The following TMEM38B variants were observed in gnomAD, a reference collection of about 807,000 sequenced individuals.
TMEM38B encodes the protein transmembrane protein 38B, also known as trimeric intracellular cation channel type B.
A neutral mutation model predicts 28.7 loss-of-function variants in TMEM38B; 24 were observed. That is an observed-to-expected ratio of 0.84 (90% CI 0.61 to 1.18). The LOEUF is 1.18. Ranked by LOEUF, TMEM38B falls within the 50% of genes most tolerant of loss-of-function variation. The probability of loss-of-function intolerance (pLI) is 0.00; values close to 1 mark genes in which losing one functional copy is unlikely to be tolerated. For synonymous variants in TMEM38B, 131 were observed against 127.7 expected (o/e 1.03, Z -0.17); for missense variants, 380 against 350.9 (o/e 1.08, Z -0.66).
At chr9:105,725,361 A>G (rs76262981) in intron 4 of TMEM38B, among the ~76,000 whole-genome samples, 1,600 of 150,432 alleles carry the variant, frequency 0.011, 19 homozygotes, top group African/African-American at 0.038. Context: ...TGTCCCAAGC[A>G]CCTAGCACAT....
chr9:105,712,967 C>A (rs1044466486), intron 2 of TMEM38B, among the ~76,000 whole-genome samples: 11 of 152,350 alleles, frequency 7.2e-5, no homozygotes, highest in Admixed American at 2.6e-4. Context: ...TGGATGCCAG[C>A]CCAGGCCCAG....
At chr9:105,769,561 G>A (rs761902529) in intron 5 of TMEM38B, among the ~76,000 whole-genome samples, 15 of 152,020 alleles carry the variant, frequency 9.9e-5, no homozygotes, top group African/African-American at 3.1e-4. Flanking sequence ...CAACCTTCCC[G>A]CAAACGAAAA....
chr9:105,726,861 C>G (rs1014180734), intron 4 of TMEM38B, among the ~76,000 whole-genome samples: 4 of 151,244 alleles, frequency 2.6e-5, no homozygotes. Flanking sequence ...TCCTCTAGTC[C>G]TTTTTTTTGC....
chr9:105,759,043 C>G lies in TMEM38B; in HGVS notation c.660+10853C>G. The G allele has an allele frequency of 3.4e-5, 29 of 851,556 alleles. No individual in the cohort carries two copies. The South Asian group carries it at 3.8e-4, about 11-fold the overall frequency. 52.8% of individuals were successfully genotyped at this position (851,556 alleles called of 1,614,324 possible). On this transcript the variant is annotated intron_variant, in intron 5 of 5. Transcript: ENST00000374692. Reference sequence around the variant, plus strand: ...GGAGTAGTTACACTACAAAACAAATCAGATGACCTCCCTCACTGGGTATTA... The same window carrying G: ...GGAGTAGTTACACTACAAAACAAATGAGATGACCTCCCTCACTGGGTATTA...
intron 4 of TMEM38B, among the ~76,000 whole-genome samples, chr9:105,747,525 C>T (rs1296786633): frequency 1.3e-5 from 2 of 152,122 alleles, no homozygotes; most frequent in Admixed American, 1.3e-4. Context: ...TTCAAAAAAA[C>T]AGCTCCTGGA....
At chr9:105,730,155 C>T (rs980881554) in intron 4 of TMEM38B, among the ~76,000 whole-genome samples, 3 of 152,028 alleles carry the variant, frequency 2.0e-5, no homozygotes, top group African/African-American at 4.8e-5. Context: ...TGTCTTGTGC[C>T]GGTTTTCAAA....
chr9:105,763,753 C>T (rs985050453), intron 5 of TMEM38B, among the ~76,000 whole-genome samples: 17 of 152,102 alleles, frequency 1.1e-4, no homozygotes, highest in South Asian at 2.1e-4. Context: ...CATCCTGATA[C>T]GAAAGCTGGG....
At position 105,694,652 on chromosome 9, in the gene TMEM38B, G is replaced by A; in HGVS notation, c.-9G>A. The A allele has an allele frequency of 6.2e-7, 1 of 1,612,078 alleles. No individual in the cohort carries two copies. Among genetic ancestry groups the A allele is most frequent in the Non-Finnish European group, 8.5e-7 (1 of 1,178,438 alleles). On this transcript the variant is annotated 5_prime_UTR_variant, in exon 1 of 6. It adds an upstream start codon to the 5' untranslated region. Transcript: ENST00000374692. Reference sequence around the variant, plus strand: ...GCGGCTGCTTCGGTTGCCGCGGTCGGTGGTCGTTATGGATTCTCCATGGGA... The same window carrying A: ...GCGGCTGCTTCGGTTGCCGCGGTCGATGGTCGTTATGGATTCTCCATGGGA...
At chr9:105,705,574 C>T in intron 1 of TMEM38B, 23 bp from the exon 2 acceptor site, 2 of 1,601,306 alleles carry the variant, frequency 1.2e-6, no homozygotes, top group Non-Finnish European at 1.7e-6. Flanking sequence ...GATCACAGAC[C>T]ATATTTTACT....
rs895548417 is a variant in TMEM38B at position 105,774,584 on chromosome 9, A to C, written c.*504A>C. On this transcript the variant is annotated 3_prime_UTR_variant, in exon 6 of 6. Coordinates refer to ENST00000374692, the MANE Select transcript of TMEM38B (RefSeq NM_018112.3). The stretch of plus-strand genomic sequence containing the variant: ...CTTTTCCTAAAACACTTTATATTAT[A>C]AATGAAAATAAATTGCTAGTTTATA... The C allele has an allele frequency of 6.6e-6, 1 of 152,080 alleles. No individual in the cohort carries two copies. The highest frequency in any genetic ancestry group is 2.4e-5 in the African/African-American group (1 of 41,450). The allele number at this position is 152,080 out of a possible 1,614,324, so 9.4% of individuals were successfully genotyped here. A position where few individuals can be genotyped will look rare whatever the true frequency, so the allele number is the denominator to read the frequency against.
intron 1 of TMEM38B, among the ~76,000 whole-genome samples, chr9:105,696,429 G>A (rs1835291341): frequency 6.6e-6 from 1 of 152,098 alleles, no homozygotes; most frequent in Non-Finnish European, 1.5e-5. Flanking sequence ...GCTGGGAGGC[G>A]CCTGCCACCA....
At chr9:105,729,332 TA>T (rs1456814752) in intron 4 of TMEM38B, among the ~76,000 whole-genome samples, 2 of 152,204 alleles carry the variant, frequency 1.3e-5, no homozygotes, top group Non-Finnish European at 2.9e-5. Context: ...ATTTATTAAA[TA>T]GGGAATCCTT....
At chr9:105,749,500 C>T (rs1475139963) in intron 5 of TMEM38B, among the ~76,000 whole-genome samples, 1 of 152,080 alleles carries the variant, frequency 6.6e-6, no homozygotes, top group Admixed American at 6.6e-5. Flanking sequence ...TTCATCTGGC[C>T]CCGCCCTTGT....
chr9:105,742,713 T>C (rs1837250347), intron 4 of TMEM38B, among the ~76,000 whole-genome samples: 1 of 152,150 alleles, frequency 6.6e-6, no homozygotes, highest in South Asian at 2.1e-4. Context: ...CAATCCAAAA[T>C]GGTAGATGTG....
At chr9:105,754,079 A>T (rs1038133950) in intron 5 of TMEM38B, among the ~76,000 whole-genome samples, 1 of 152,268 alleles carries the variant, frequency 6.6e-6, no homozygotes, top group African/African-American at 2.4e-5. Context: ...AGTGCATTGC[A>T]TAATGGTAAA....
In TMEM38B at chr9:105,774,023, G is replaced by C. The variant is rs902982030; in HGVS notation, c.819G>C (p.Lys273Asn). 2.5e-6 allele frequency: 4 copies of C among 1,613,694 alleles called. No homozygotes were observed. ...PSNGVGSLAS[K>N]PVDVASDNVK... ...ATGGCGTTGGGTCATTGGCCTCAAAGCCGGTAGATGTTGCCTCAGATAATG... is the reference window on the plus strand; with the variant it reads ...ATGGCGTTGGGTCATTGGCCTCAAACCCGGTAGATGTTGCCTCAGATAATG... The change falls in exon 6 of 6, where the codon AAG becomes AAC. Residue 273 changes from lysine (K) to asparagine (N), a missense_variant. Transcript: ENST00000374692.
At position 105,773,772 on chromosome 9, in the gene TMEM38B, T is replaced by TAA. The variant is rs903854240; in HGVS notation, c.661-92_661-91dup. 8.3e-6 allele frequency: 10 copies of TAA among 1,197,826 alleles called. No homozygotes were observed. The Admixed American group carries it at 2.1e-4, about 25-fold the overall frequency. 74.2% of individuals were successfully genotyped at this position (1,197,826 alleles called of 1,614,324 possible). A position where few individuals can be genotyped will look rare whatever the true frequency, so the allele number is the denominator to read the frequency against. ...TTGCTTCCCCTGCAGATTACATTAA[T>TAA]AATGCATTTTGATTTTTTTTCCTTT... is the stretch of plus-strand genomic sequence containing the variant. On this transcript the variant is annotated intron_variant, in intron 5 of 5. Transcript: ENST00000374692.
rs903157855 is a variant in TMEM38B, at chr9:105,710,471, T to C, written c.269+4718T>C. ...ATCATAGCGTGAAGAACTGTACATA[T>C]TCCTCCCTTCCTTGGCTTTCATCTG... On this transcript the variant is annotated intron_variant, in intron 2 of 5. Transcript: ENST00000374692. 4.2e-6 allele frequency: 6 copies of C among 1,422,302 alleles called. No homozygotes were observed. The Admixed American group carries it at 5.1e-5, about 12-fold the overall frequency. 88.1% of individuals were successfully genotyped at this position (1,422,302 alleles called of 1,614,324 possible). A position where few individuals can be genotyped will look rare whatever the true frequency, so the allele number is the denominator to read the frequency against.
intron 5 of TMEM38B, among the ~76,000 whole-genome samples, chr9:105,765,176 T>TTA (rs1564418391): frequency 1.1e-4 from 17 of 152,074 alleles, no homozygotes; most frequent in African/African-American, 4.1e-4. Flanking sequence ...GTTTATAGAT[T>TTA]TGTAAAATGT....
Sources: gnomAD v4.1 joint callset for allele counts (sites outside exome capture counted in the v4.1 genomes callset) on GRCh38, gnomAD v4.1.1 for gene constraint, MANE v1.5 for transcripts, NCBI Gene and HGNC (gene_info 2026-07-23, HGNC 2026-07-21) for gene names.